Variants in RPS6KA2 observed in about 807,000 individuals in gnomAD.
RPS6KA2 encodes the protein ribosomal protein S6 kinase A2.
A neutral mutation model predicts 91.8 loss-of-function variants in RPS6KA2; 42 were observed. The ratio of observed to expected loss-of-function variants is 0.46; its 90% CI spans 0.36 to 0.59. The LOEUF is 0.59. Ranked by LOEUF, RPS6KA2 falls within the 20% of genes least tolerant of loss-of-function variation. The probability of loss-of-function intolerance (pLI) is 0.00; values close to 1 mark genes in which losing one functional copy is unlikely to be tolerated. For missense variants in RPS6KA2, 798 were observed against 978.5 expected (o/e 0.82, Z 2.46); for synonymous variants, 414 against 393.6 (o/e 1.05, Z -0.61).
intron 9 of RPS6KA2, among the ~76,000 whole-genome samples, chr6:166,489,510 C>T (rs1781522117): frequency 6.6e-6 from 1 of 152,220 alleles, no homozygotes; most frequent in African/African-American, 2.4e-5. Flanking sequence ...GTGCTCCCTC[C>T]AGAAATTCTC....
intron 10 of RPS6KA2, among the ~76,000 whole-genome samples, chr6:166,471,150 G>GC (rs1490646370): frequency 6.6e-6 from 1 of 152,230 alleles, no homozygotes; most frequent in Non-Finnish European, 1.5e-5. Context: ...CCTTCGTGGA[G>GC]CCCCCCTCAT....
At position 166,434,436 on chromosome 6, in the gene RPS6KA2, T is replaced by C. The variant is rs1193100207; in HGVS notation, c.1333-1946A>G. ...CAAGTAGAGACTTTTAAAACGATCA[T>C]TCAAGGAGGGGTGGGGGACTTTCCC... On this transcript the variant is annotated intron_variant, in intron 14 of 20. Coordinates refer to ENST00000265678, the MANE Select transcript of RPS6KA2 (RefSeq NM_021135.6). This position sits in a 1 kb window ranked among gnomAD's most constrained non-coding sequence, Gnocchi z 4.4. 6.6e-6 allele frequency among the ~76,000 whole-genome samples: 1 copy of C among 152,138 alleles called. No individual in the cohort carries two copies. The highest frequency in any genetic ancestry group is 1.5e-5 in the Non-Finnish European group (1 of 68,036).
chr6:166,828,379 G>A (rs532948565), intron 2 of RPS6KA2, among the ~76,000 whole-genome samples: 5 of 152,286 alleles, frequency 3.3e-5, no homozygotes, highest in East Asian at 1.9e-4. Flanking sequence ...AGACTGCCAC[G>A]CCAGTCCCCA....
chr6:166,641,711 C>T (rs1181172618), intron 2 of RPS6KA2, among the ~76,000 whole-genome samples: 1 of 53,768 alleles, frequency 1.9e-5, no homozygotes, highest in Non-Finnish European at 3.5e-5. Flanking sequence ...AAGAGTGAGA[C>T]TCTGTCACAA....
intron 1 of RPS6KA2, among the ~76,000 whole-genome samples, chr6:166,590,076 C>T (rs1785307664): frequency 1.3e-5 from 2 of 152,094 alleles, no homozygotes; most frequent in Non-Finnish European, 2.9e-5. Flanking sequence ...AGAGGGCATT[C>T]AAGGTGAAAT....
rs1778338917 is a variant in RPS6KA2 at position 166,412,458 on chromosome 6, T to C, written c.*304A>G. On this transcript the variant is annotated 3_prime_UTR_variant, in exon 21 of 21. Coordinates refer to ENST00000265678, the MANE Select transcript of RPS6KA2 (RefSeq NM_021135.6). The surrounding 1 kb of genome is among the most constrained non-coding windows in gnomAD (Gnocchi z 4.3). ...TCTCGGCAGAAACAGAAGCCATGTA[T>C]GAGAGGACCCGCGGGCTCTGAAAGA... 9.0e-6 allele frequency: 2 copies of C among 221,416 alleles called. No individual in the cohort carries two copies. The highest frequency in any genetic ancestry group is 8.9e-6 in the Non-Finnish European group (1 of 112,294). The allele number at this position is 221,416 out of a possible 1,614,324, so 13.7% of individuals were successfully genotyped here.
chr6:166,814,408 T>C (rs1779711323), intron 2 of RPS6KA2, among the ~76,000 whole-genome samples: 1 of 152,244 alleles, frequency 6.6e-6, no homozygotes, highest in South Asian at 2.1e-4. Context: ...TGCAAATACT[T>C]TCTTACGAAT....
chr6:166,835,806 A>C (rs1290089479), intron 2 of RPS6KA2, among the ~76,000 whole-genome samples: 2 of 152,220 alleles, frequency 1.3e-5, no homozygotes, highest in African/African-American at 4.8e-5. Context: ...CAATGTCCTC[A>C]TCTGAAGGCA....
At chr6:166,523,134 C>T (rs561831400) in intron 3 of RPS6KA2, among the ~76,000 whole-genome samples, 18 of 152,200 alleles carry the variant, frequency 1.2e-4, no homozygotes, top group African/African-American at 4.3e-4. Flanking sequence ...ACATAGAGGA[C>T]TCCACCATAC....
In RPS6KA2 at chr6:166,478,286, G is replaced by A. The variant is rs1781057068; in HGVS notation, c.908-8381C>T. Among the ~76,000 whole-genome samples the A allele has an allele frequency of 1.3e-5, 2 of 151,870 alleles. 1 individual carries two copies. Among genetic ancestry groups the A allele is most frequent in the South Asian group, 4.2e-4 (2 of 4,800 alleles). On this transcript the variant is annotated intron_variant, in intron 10 of 20. Coordinates refer to ENST00000265678, the MANE Select transcript of RPS6KA2 (RefSeq NM_021135.6). ...TGTCCAGATGTCATTTGGGTGCTTG[G>A]GAATGACAAGGCAGAGACTACACAG...
chr6:166,475,910 G>C (rs1178106654), intron 10 of RPS6KA2: 1 of 474,862 alleles, frequency 2.1e-6, no homozygotes, highest in East Asian at 5.7e-5. Flanking sequence ...AACACATTAT[G>C]CCATCTCTTC....
chr6:166,534,221 CAAAAAAAAA>C (rs34585369), intron 2 of RPS6KA2, among the ~76,000 whole-genome samples: 4 of 59,358 alleles, frequency 6.7e-5, no homozygotes, highest in Non-Finnish European at 9.1e-5. Context: ...GACTCTGTCT[CAAAAAAAAA>C]AAAAAAAAAA....
chr6:166,779,415 A>G (rs1778708690), intron 2 of RPS6KA2, among the ~76,000 whole-genome samples: 1 of 152,122 alleles, frequency 6.6e-6, no homozygotes, highest in African/African-American at 2.4e-5. Context: ...GCACATGTGG[A>G]GGGTGTGAGT....
chr6:166,855,465 AGAG>A (rs1185568296), intron 2 of RPS6KA2, among the ~76,000 whole-genome samples: 121 of 141,508 alleles, frequency 8.6e-4, no homozygotes, highest in East Asian at 4.9e-3. Context: ...AAGAAGAGGA[AGAG>A]GAAGAGGAAG....
At chr6:166,442,026 C>A (rs942493871) in intron 14 of RPS6KA2, among the ~76,000 whole-genome samples, 1 of 152,230 alleles carries the variant, frequency 6.6e-6, no homozygotes, top group African/African-American at 2.4e-5. Flanking sequence ...GCAGCAGGAC[C>A]TTTCACTGGG....
chr6:166,738,290 C>G (rs7754793), intron 2 of RPS6KA2, among the ~76,000 whole-genome samples: 65,498 of 152,112 alleles, frequency 0.43, 17,688 homozygotes, highest in African/African-American at 0.78. Context: ...CATTTGGAAA[C>G]CCATCCAGTG....
intron 10 of RPS6KA2, 53 bp downstream of exon 10, chr6:166,488,780 T>A (rs1016210776): frequency 7.0e-7 from 1 of 1,425,718 alleles, no homozygotes; most frequent in Middle Eastern, 2.4e-4. Flanking sequence ...CACTGTAGCT[T>A]GCGGGGCAGC....
rs369744218 is a variant in RPS6KA2 at position 166,423,333 on chromosome 6, C to T, written c.1666G>A (p.Gly556Ser). ...SPESIRVCDFGFAKQLRAGNG... is the reference protein window; with the variant it reads ...SPESIRVCDFSFAKQLRAGNG... ...CCCGCGCGCAGCTGCTTGGCAAAGC[C>T]GAAGTCGCAGACTCGGATGGATTCT... is the stretch of plus-strand genomic sequence containing the variant. The change falls in exon 17 of 21, where the codon GGC (glycine) becomes AGC (serine). Residue 556 changes from glycine (G) to serine (S), a missense_variant. Physicochemically the swap from Gly to Ser is moderately conservative, Grantham distance 56. Coordinates refer to ENST00000265678, the MANE Select transcript of RPS6KA2 (RefSeq NM_021135.6). This position sits in a 1 kb window ranked among gnomAD's most constrained non-coding sequence, Gnocchi z 4.8. 78 of 1,614,030 alleles carry T rather than the reference C, an allele frequency of 4.8e-5. No homozygotes were observed. The highest frequency in any genetic ancestry group is 8.3e-5 in the Admixed American group (5 of 59,998).
chr6:166,440,800 A>C (rs1409431720), intron 14 of RPS6KA2, among the ~76,000 whole-genome samples: 4 of 152,248 alleles, frequency 2.6e-5, no homozygotes, highest in African/African-American at 7.2e-5. Context: ...CAAAAATAAT[A>C]ATAAAAGTGA....
Sources: allele counts gnomAD v4.1 joint callset (sites outside exome capture counted in the v4.1 genomes callset), GRCh38; gene constraint gnomAD v4.1.1; non-coding constraint Gnocchi (gnomAD v3.1); transcripts MANE v1.5; gene names NCBI Gene and HGNC (gene_info 2026-07-23, HGNC 2026-07-21).